PTK7: variants seen among roughly 807,000 people sequenced by gnomAD.
PTK7 encodes protein tyrosine kinase 7 (inactive), also known as inactive tyrosine-protein kinase 7.
Under a neutral mutation model 116.6 loss-of-function variants are expected in PTK7, and 39 were observed. That is an observed-to-expected ratio of 0.33 (90% CI 0.26 to 0.44). PTK7 has a LOEUF of 0.44. PTK7 is among the 20% of genes least tolerant of loss of function. PTK7 has a pLI of 1.00. For missense variants in PTK7, 1,169 were observed against 1,425.6 expected (o/e 0.82, Z 2.90); for synonymous variants, 546 against 563.6 (o/e 0.97, Z 0.44).
intron 18 of PTK7, 97 bp from the exon 19 acceptor site, chr6:43,159,691 C>T: frequency 7.7e-7 from 1 of 1,295,398 alleles, no homozygotes; most frequent in Non-Finnish European, 1.1e-6. Flanking sequence ...AAGGCTGGGC[C>T]CCCGGCTTGG....
intron 1 of PTK7, among the ~76,000 whole-genome samples, chr6:43,112,256 T>G (rs1278979586): frequency 6.6e-6 from 1 of 150,706 alleles, no homozygotes; most frequent in Non-Finnish European, 1.5e-5. Flanking sequence ...ATTTATTTAT[T>G]TATTTATTTA....
chr6:43,134,586 C>G (rs1048490401), intron 7 of PTK7, among the ~76,000 whole-genome samples: 16 of 151,938 alleles, frequency 1.1e-4, no homozygotes, highest in African/African-American at 3.4e-4. Context: ...TCGAGATCAG[C>G]CTGACCAACA....
Position 43,139,229 on chromosome 6 carries a change from C to G in PTK7, c.1456C>G (p.Pro486Ala). Residue 486 changes from proline to alanine, a missense_variant, in exon 9 of 20, where the codon CCA (proline) becomes GCA (alanine). Physicochemically the swap from Pro to Ala is conservative, Grantham distance 27 (BLOSUM62 -1). This residue lies in a region of PTK7 where 678 missense variants were observed against 853.8 expected (regional missense o/e 0.79). Transcript: ENST00000230419. The surrounding 1 kb of genome is among the most constrained non-coding windows in gnomAD (Gnocchi z 4.6). ...ATGGTACCGTTGTATGAGCAGCACCCCAGCCGGCAGCATCGAGGCGCAAGC... is the reference window on the plus strand; with the variant it reads ...ATGGTACCGTTGTATGAGCAGCACCGCAGCCGGCAGCATCGAGGCGCAAGC... ...GTWYRCMSSTPAGSIEAQARV... is the reference protein window; with the variant it reads ...GTWYRCMSSTAAGSIEAQARV... The G allele has an allele frequency of 6.2e-7, 1 of 1,614,212 alleles. No individual in the cohort carries two copies. Among genetic ancestry groups the G allele is most frequent in the Non-Finnish European group, 8.5e-7 (1 of 1,180,034 alleles).
chr6:43,109,125 T>G (rs1215564510), intron 1 of PTK7, among the ~76,000 whole-genome samples: 1 of 152,246 alleles, frequency 6.6e-6, no homozygotes, highest in Non-Finnish European at 1.5e-5. Context: ...TTAGTCCATG[T>G]GGTTCTTACC....
chr6:43,132,733 C>T (rs1769771663), intron 7 of PTK7, 46 bp downstream of exon 7: 1 of 1,550,966 alleles, frequency 6.4e-7, no homozygotes, highest in African/African-American at 1.4e-5. Flanking sequence ...GAGGGGAACA[C>T]AGGTCTGGGT....
Position 43,145,587 on chromosome 6 carries a change from T to C in PTK7, c.2640+155T>C, listed in dbSNP as rs1295564381. The C allele has an allele frequency of 8.1e-6, 4 of 491,546 alleles. No homozygotes were observed. Among genetic ancestry groups the C allele is most frequent in the Non-Finnish European group, 1.4e-5 (4 of 290,734 alleles). 30.4% of individuals were successfully genotyped at this position (491,546 alleles called of 1,614,324 possible). A position where few individuals can be genotyped will look rare whatever the true frequency, so the allele number is the denominator to read the frequency against. ...CTGTTACACTTTGCCCACCTTATGA[T>C]GCTCAGCTTCTGCCTTCCCTGCTCT... On this transcript the variant is annotated intron_variant, in intron 16 of 19. Coordinates refer to ENST00000230419, the MANE Select transcript of PTK7 (RefSeq NM_002821.5). This position sits in a 1 kb window ranked among gnomAD's most constrained non-coding sequence, Gnocchi z 4.8.
At chr6:43,106,628 T>C (rs1408467663) in intron 1 of PTK7, among the ~76,000 whole-genome samples, 1 of 147,972 alleles carries the variant, frequency 6.8e-6, no homozygotes, top group East Asian at 2.0e-4. Context: ...ATGTTGAAGA[T>C]CCTTCCAAGA....
Position 43,076,835 on chromosome 6 carries a change from C to G in PTK7, c.79+268C>G. The G allele has an allele frequency of 7.0e-7, 1 of 1,436,942 alleles. No homozygotes were observed. Among genetic ancestry groups the G allele is most frequent in the Non-Finnish European group, 9.2e-7 (1 of 1,090,824 alleles). The allele number at this position is 1,436,942 out of a possible 1,614,324, so 89.0% of individuals were successfully genotyped here. ...CCTCCCTGAGTTTTTCTGGTCTGAG[C>G]CGAGAGTTTGCTCGAGAACTGCCGA... On this transcript the variant is annotated intron_variant, in intron 1 of 19. Transcript: ENST00000230419. The surrounding 1 kb of genome is among the most constrained non-coding windows in gnomAD (Gnocchi z 5.7).
chr6:43,158,803 C>T lies in PTK7; in HGVS notation c.2722-14C>T, dbSNP rs1327340943. On this transcript the variant is annotated splice_polypyrimidine_tract_variant and intron_variant, in intron 17 of 19. Transcript: ENST00000230419. Reference sequence around the variant, plus strand: ...ATTCCTGGGCTGCTCTAACAGGCCCCTTTATCTCTCCAGGTGGCCCTATGC... The same window carrying T: ...ATTCCTGGGCTGCTCTAACAGGCCCTTTTATCTCTCCAGGTGGCCCTATGC... 1.9e-6 allele frequency: 3 copies of T among 1,612,804 alleles called. No homozygotes were observed. The highest frequency in any genetic ancestry group is 1.1e-5 in the South Asian group (1 of 90,832).
At chr6:43,135,413 G>A (rs983587677) in intron 7 of PTK7, among the ~76,000 whole-genome samples, 1 of 152,190 alleles carries the variant, frequency 6.6e-6, no homozygotes, top group Admixed American at 6.5e-5. Flanking sequence ...TTCTAACAGC[G>A]GGGACAAAGC....
At chr6:43,159,070 C>A in intron 18 of PTK7, 102 bp downstream of exon 18, 2 of 1,450,498 alleles carry the variant, frequency 1.4e-6, no homozygotes, top group South Asian at 1.3e-5. Context: ...TTAGTGCCTG[C>A]TTAGTCCAAA....
intron 1 of PTK7, among the ~76,000 whole-genome samples, chr6:43,118,618 A>AAC (rs1768707778): frequency 1.2e-5 from 1 of 80,060 alleles, no homozygotes; most frequent in Non-Finnish European, 2.6e-5. Flanking sequence ...GGAATATTTT[A>AAC]ACCTCTCTCT....
rs376654267 is a variant in PTK7, at chr6:43,091,777, C to G, written c.79+15210C>G. Among the ~76,000 whole-genome samples the G allele has an allele frequency of 2.6e-5, 4 of 152,320 alleles. No individual in the cohort carries two copies. In the East Asian group the frequency reaches 5.8e-4, roughly 22 times the overall value. On this transcript the variant is annotated intron_variant, in intron 1 of 19. Coordinates refer to ENST00000230419, the MANE Select transcript of PTK7 (RefSeq NM_002821.5). ...TGATAAAATCTCTTGATATCCCACT[C>G]CATCCCGCCCAGGACATGAATCATC...
intron 1 of PTK7, among the ~76,000 whole-genome samples, chr6:43,121,946 C>T (rs1328208950): frequency 6.6e-6 from 1 of 152,102 alleles, no homozygotes; most frequent in Non-Finnish European, 1.5e-5. Flanking sequence ...TCAGTACCAG[C>T]CTGGGCAACC....
At chr6:43,105,450 C>CAAAAA (rs34623759) in intron 1 of PTK7, among the ~76,000 whole-genome samples, 10 of 93,336 alleles carry the variant, frequency 1.1e-4, no homozygotes, top group Non-Finnish European at 1.9e-4. Context: ...AACTGTATAG[C>CAAAAA]AAAAAAAAAA....
At chr6:43,132,867 G>T in intron 7 of PTK7, 180 bp downstream of exon 7, 1 of 844,660 alleles carries the variant, frequency 1.2e-6, no homozygotes, top group Admixed American at 2.1e-5. Context: ...ACAGGGGTTA[G>T]GGTGGGTGCT....
intron 1 of PTK7, among the ~76,000 whole-genome samples, chr6:43,106,708 C>T (rs144612988): frequency 0.017 from 2,313 of 137,384 alleles, 44 homozygotes; most frequent in Non-Finnish European, 0.027. Context: ...GGCTGGAGTG[C>T]AGTGGTGTGA....
Position 43,141,590 on chromosome 6 carries a change from A to T in PTK7, c.1619-78A>T. ...GGAGCGATGGTGTGTTTTTGAGTAG[A>T]GGTGAGGGACTGAAGGCATTGCCAG... On this transcript the variant is annotated intron_variant, in intron 10 of 19. Transcript: ENST00000230419. This position sits in a 1 kb window ranked among gnomAD's most constrained non-coding sequence, Gnocchi z 4.9. 1 of 1,496,838 alleles carries T rather than the reference A, an allele frequency of 6.7e-7. No homozygotes were observed. Among genetic ancestry groups the T allele is most frequent in the Admixed American group, 1.8e-5 (1 of 54,794 alleles). The allele number at this position is 1,496,838 out of a possible 1,614,324, so 92.7% of individuals were successfully genotyped here.
intron 1 of PTK7, among the ~76,000 whole-genome samples, chr6:43,108,932 T>C (rs999133680): frequency 6.6e-5 from 10 of 152,092 alleles, no homozygotes; most frequent in African/African-American, 2.4e-4. Flanking sequence ...CCTCATTAAC[T>C]GTTTGGTTAC....
Sources: allele counts gnomAD v4.1 joint callset (sites outside exome capture counted in the v4.1 genomes callset), GRCh38; gene constraint gnomAD v4.1.1; regional missense constraint gnomAD v4.1.1; non-coding constraint Gnocchi (gnomAD v3.1); transcripts MANE v1.5; gene names NCBI Gene and HGNC (gene_info 2026-07-23, HGNC 2026-07-21).